Variants in EHBP1L1 observed in about 807,000 individuals in gnomAD.
EHBP1L1 encodes the protein EH domain binding protein 1 like 1.
A neutral mutation model predicts 151.1 loss-of-function variants in EHBP1L1; 122 were observed. The ratio of observed to expected loss-of-function variants is 0.81; its 90% CI spans 0.70 to 0.94. The LOEUF is 0.94. Among genes scored for constraint, EHBP1L1 ranks in the 40% least tolerant of loss-of-function variants. The probability of loss-of-function intolerance (pLI) is 0.00; values close to 1 mark genes in which losing one functional copy is unlikely to be tolerated. For missense variants in EHBP1L1, 1,941 were observed against 1,959.8 expected, an observed-to-expected ratio of 0.99 and a Z score of 0.18; for synonymous variants, 878 against 810.1, an observed-to-expected ratio of 1.08 and a Z score of -1.42.
rs1297442823 is a variant in EHBP1L1, at chr11:65,585,353, C to T, written c.3695C>T (p.Ala1232Val). ...GAGGCCCCCCGAGAGTCGCGACCCG[C>T]GGAGGTCCCGGCCGAGGGGCTGGTG... ...GAEAPRESRPAEVPAEGLVNG... is the reference protein window; with the variant it reads ...GAEAPRESRPVEVPAEGLVNG... The change falls in exon 12 of 19, where the codon GCG becomes GTG. Residue 1232 changes from alanine (A) to valine (V), a missense_variant. Physicochemically the swap from Ala to Val is moderately conservative, Grantham distance 64 (BLOSUM62 0). Transcript: ENST00000309295. The surrounding 1 kb of genome is among the most constrained non-coding windows in gnomAD (Gnocchi z 4.0). The T allele has an allele frequency of 5.0e-5, 58 of 1,149,262 alleles. No individual in the cohort carries two copies. The Admixed American group carries it at 1.8e-3, about 37-fold the overall frequency. 71.2% of individuals were successfully genotyped at this position (1,149,262 alleles called of 1,614,324 possible). A position where few individuals can be genotyped will look rare whatever the true frequency, so the allele number is the denominator to read the frequency against.
Position 65,580,906 on chromosome 11 carries a change from G to A in EHBP1L1, c.635-152G>A, listed in dbSNP as rs1189459251. 9.8e-6 allele frequency: 14 copies of A among 1,432,726 alleles called. No individual in the cohort carries two copies. The East Asian group carries it at 3.6e-4, about 36-fold the overall frequency. The allele number at this position is 1,432,726 out of a possible 1,614,324, so 88.8% of individuals were successfully genotyped here. A position where few individuals can be genotyped will look rare whatever the true frequency, so the allele number is the denominator to read the frequency against. On this transcript the variant is annotated intron_variant, in intron 6 of 18. Transcript: ENST00000309295. ...TCTCTCTCTCTTTCTCTCCACATCTGTGGGCCTGTCTCTTCTCGCAGGCCG... is the reference window on the plus strand; with the variant it reads ...TCTCTCTCTCTTTCTCTCCACATCTATGGGCCTGTCTCTTCTCGCAGGCCG...
chr11:65,582,092 G>T lies in EHBP1L1; in HGVS notation c.1420G>T (p.Ala474Ser), dbSNP rs368726387. 2 of 1,608,784 alleles carry T rather than the reference G, an allele frequency of 1.2e-6. No individual in the cohort carries two copies. Among genetic ancestry groups the T allele is most frequent in the African/African-American group, 1.3e-5 (1 of 74,714 alleles). The change falls in exon 9 of 19, where the codon GCT becomes TCT. Residue 474 changes from alanine (A) to serine (S), a missense_variant. Physicochemically the swap from Ala to Ser is moderately conservative, Grantham distance 99. Coordinates refer to ENST00000309295, the MANE Select transcript of EHBP1L1 (RefSeq NM_001099409.3). ...GCTGGGAGTCAGGACCAGGGATGAGGCTCCCTCAGGCCTGAGCCTGCCCCC... is the reference window on the plus strand; with the variant it reads ...GCTGGGAGTCAGGACCAGGGATGAGTCTCCCTCAGGCCTGAGCCTGCCCCC... ...GRLGVRTRDEAPSGLSLPPAE... is the reference protein window; with the variant it reads ...GRLGVRTRDESPSGLSLPPAE...
chr11:65,577,983 C>T (rs1240179215), intron 1 of EHBP1L1, among the ~76,000 whole-genome samples: 4 of 152,170 alleles, frequency 2.6e-5, no homozygotes, highest in Admixed American at 2.0e-4. Context: ...TGGGCCGGAT[C>T]GTCCCCTCAA....
chr11:65,589,755 G>T lies in EHBP1L1; in HGVS notation c.3938G>T (p.Gly1313Val). The T allele has an allele frequency of 6.5e-7, 1 of 1,544,240 alleles. No individual in the cohort carries two copies. The highest frequency in any genetic ancestry group is 8.7e-7 in the Non-Finnish European group (1 of 1,144,286). Residue 1313 changes from glycine (G) to valine (V), a missense_variant, in exon 13 of 19, where the codon GGC becomes GTC. Physicochemically the swap from Gly to Val is moderately radical, Grantham distance 109. Coordinates refer to ENST00000309295, the MANE Select transcript of EHBP1L1 (RefSeq NM_001099409.3). ...AGAMGAAAAE[G>V]QAPDPSPAPG... Reference sequence around the variant, plus strand: ...CACTGGCCCCTTCTTCCACAGGAAGGCCAGGCCCCTGACCCCAGCCCTGCC... The same window carrying T: ...CACTGGCCCCTTCTTCCACAGGAAGTCCAGGCCCCTGACCCCAGCCCTGCC...
Position 65,585,450 on chromosome 11 carries a change from G to A in EHBP1L1, c.3792G>A (p.Ser1264=). 6.6e-7 allele frequency: 1 copy of A among 1,511,956 alleles called. No homozygotes were observed. Among genetic ancestry groups the A allele is most frequent in the Non-Finnish European group, 8.8e-7 (1 of 1,135,752 alleles). 93.7% of individuals were successfully genotyped at this position (1,511,956 alleles called of 1,614,324 possible). A position where few individuals can be genotyped will look rare whatever the true frequency, so the allele number is the denominator to read the frequency against. Residue 1264 remains serine (S), a synonymous_variant, in exon 12 of 19, where the codon TCG becomes TCA. Coordinates refer to ENST00000309295, the MANE Select transcript of EHBP1L1 (RefSeq NM_001099409.3). The surrounding 1 kb of genome is among the most constrained non-coding windows in gnomAD (Gnocchi z 4.0). Reference sequence around the variant, plus strand: ...CCTCGGTCAACGGGGAGCCCGGGTCGGTGCCCCCGCCCCGCGCGCACGGCT... The same window carrying A: ...CCTCGGTCAACGGGGAGCCCGGGTCAGTGCCCCCGCCCCGCGCGCACGGCT... ...RRPSVNGEPG[S]VPPPRAHGSF...
At chr11:65,583,870 G>A in intron 9 of EHBP1L1, 105 bp downstream of exon 9, 9 of 1,426,040 alleles carry the variant, frequency 6.3e-6, no homozygotes, top group Non-Finnish European at 8.2e-6. Flanking sequence ...GGGATCGGGT[G>A]GGGTGGGGGG....
chr11:65,591,151 C>G (rs1238697350), intron 16 of EHBP1L1: 1 of 159,288 alleles, frequency 6.3e-6, no homozygotes, highest in South Asian at 1.7e-4. Context: ...TTTGGGAGGC[C>G]GAGGCGGGCA....
chr11:65,577,645 G>T (rs1208957521), intron 1 of EHBP1L1, among the ~76,000 whole-genome samples: 3 of 152,068 alleles, frequency 2.0e-5, no homozygotes, highest in Non-Finnish European at 4.4e-5. Flanking sequence ...CCCAGCCTGA[G>T]TCAGGCTGCC....
Position 65,581,829 on chromosome 11 carries a change from G to A in EHBP1L1, c.1157G>A (p.Arg386Lys). Residue 386 changes from arginine to lysine, a missense_variant, in exon 9 of 19, where the codon AGG (arginine) becomes AAG (lysine). Arg to Lys is a conservative substitution (Grantham distance 26). Coordinates refer to ENST00000309295, the MANE Select transcript of EHBP1L1 (RefSeq NM_001099409.3). ...GCTGAAGAGATGGACACTGAGGACAGGCCAGAGGCCAGTGGGGTGGACACT... is the reference window on the plus strand; with the variant it reads ...GCTGAAGAGATGGACACTGAGGACAAGCCAGAGGCCAGTGGGGTGGACACT... ...LKAEEMDTED[R>K]PEASGVDTEP... The A allele has an allele frequency of 6.2e-7, 1 of 1,613,650 alleles. No homozygotes were observed. Among genetic ancestry groups the A allele is most frequent in the East Asian group, 2.2e-5 (1 of 44,878 alleles).
At position 65,585,437 on chromosome 11, in the gene EHBP1L1, GGGAGCCCGGGTC is replaced by G; in HGVS notation, c.3782_3793del (p.Glu1261_Ser1264del). On this transcript the variant is annotated inframe_deletion, in exon 12 of 19. Coordinates refer to ENST00000309295, the MANE Select transcript of EHBP1L1 (RefSeq NM_001099409.3). This position sits in a 1 kb window ranked among gnomAD's most constrained non-coding sequence, Gnocchi z 4.0. ...AGGCTGCGACGGCCCTCGGTCAACG[GGGAGCCCGGGTC>G]GGTGCCCCCGCCCCGCGCGCACGGC... 21 of 1,492,106 alleles carry G rather than the reference GGGAGCCCGGGTC, an allele frequency of 1.4e-5. No individual in the cohort carries two copies. Among genetic ancestry groups the G allele is most frequent in the Non-Finnish European group, 1.9e-5 (21 of 1,126,920 alleles). The allele number at this position is 1,492,106 out of a possible 1,614,324, so 92.4% of individuals were successfully genotyped here.
Position 65,582,944 on chromosome 11 carries a change from CT to C in EHBP1L1, c.2276del (p.Leu759TrpfsTer6). On this transcript the variant is annotated frameshift_variant, in exon 9 of 19. Transcript: ENST00000309295. LOFTEE classifies it high-confidence loss of function. Reference protein sequence around the residue: ...ILVAQEIEVGLLGVLGIETGA... With the variant: ...ILVAQEIEVGXLGVLGIETGA... ...GGTAGCCCAGGAGATAGAGGTGGGA[CT>C]TTTGGGGGTTCTGGGAATAGAGACT... 2.5e-6 allele frequency: 4 copies of C among 1,612,892 alleles called. No individual in the cohort carries two copies. The highest frequency in any genetic ancestry group is 3.4e-6 in the Non-Finnish European group (4 of 1,179,588).
chr11:65,580,868 C>T (rs1349000727), intron 6 of EHBP1L1, 190 bp from the exon 7 acceptor site: 1 of 1,368,438 alleles, frequency 7.3e-7, no homozygotes, highest in Non-Finnish European at 9.5e-7. Context: ...TTTTCTCTGT[C>T]CACTGTTGAG....
At chr11:65,576,453 T>TG in intron 1 of EHBP1L1, 47 bp downstream of exon 1, 1 of 1,515,606 alleles carries the variant, frequency 6.6e-7, no homozygotes, top group Non-Finnish European at 8.9e-7. Flanking sequence ...TGCTGGGACC[T>TG]CATCCGGCCC....
rs1422866132 is a variant in EHBP1L1 at position 65,583,066 on chromosome 11, G to GA, written c.2397dup (p.Glu800ArgfsTer18). On this transcript the variant is annotated frameshift_variant, in exon 9 of 19. Coordinates refer to ENST00000309295, the MANE Select transcript of EHBP1L1 (RefSeq NM_001099409.3). LOFTEE classifies it high-confidence loss of function. ...AAGCTGATACAACAGGGATCCAGGT[G>GA]AAAGAGGTTGGGGGTTCAGAGGTTC... 1 of 1,613,326 alleles carries GA rather than the reference G, an allele frequency of 6.2e-7. No individual in the cohort carries two copies. Among genetic ancestry groups the GA allele is most frequent in the South Asian group, 1.1e-5 (1 of 91,074 alleles).
Position 65,585,463 on chromosome 11 carries a change from C to A in EHBP1L1, c.3805C>A (p.Arg1269Ser), listed in dbSNP as rs1212284516. ...NGEPGSVPPP[R>S]AHGSFSHVRD... ...GGAGCCCGGGTCGGTGCCCCCGCCC[C>A]GCGCGCACGGCTCCTTCTCCCACGT... Residue 1269 changes from arginine (R) to serine (S), a missense_variant, in exon 12 of 19, where the codon CGC (arginine) becomes AGC (serine). Coordinates refer to ENST00000309295, the MANE Select transcript of EHBP1L1 (RefSeq NM_001099409.3). The surrounding 1 kb of genome is among the most constrained non-coding windows in gnomAD (Gnocchi z 4.0). 6.5e-7 allele frequency: 1 copy of A among 1,530,308 alleles called. No homozygotes were observed. The highest frequency in any genetic ancestry group is 2.5e-5 in the East Asian group (1 of 40,448). The allele number at this position is 1,530,308 out of a possible 1,614,324, so 94.8% of individuals were successfully genotyped here.
rs756334176 is a variant in EHBP1L1 at position 65,585,441 on chromosome 11, G to C, written c.3783G>C (p.Glu1261Asp). Residue 1261 changes from glutamate (E) to aspartate (D), a missense_variant, in exon 12 of 19, where the codon GAG becomes GAC. Glu to Asp is a conservative substitution (Grantham distance 45, BLOSUM62 2). Coordinates refer to ENST00000309295, the MANE Select transcript of EHBP1L1 (RefSeq NM_001099409.3). This position sits in a 1 kb window ranked among gnomAD's most constrained non-coding sequence, Gnocchi z 4.0. ...TGCGACGGCCCTCGGTCAACGGGGA[G>C]CCCGGGTCGGTGCCCCCGCCCCGCG... ...VRLRRPSVNGEPGSVPPPRAH... is the reference protein window; with the variant it reads ...VRLRRPSVNGDPGSVPPPRAH... 2.7e-6 allele frequency: 4 copies of C among 1,504,960 alleles called. No individual in the cohort carries two copies. The highest frequency in any genetic ancestry group is 3.5e-6 in the Non-Finnish European group (4 of 1,132,158). The allele number at this position is 1,504,960 out of a possible 1,614,324, so 93.2% of individuals were successfully genotyped here.
intron 16 of EHBP1L1, 119 bp from the exon 17 acceptor site, chr11:65,591,681 G>A (rs1476596181): frequency 5.0e-6 from 4 of 804,616 alleles, no homozygotes; most frequent in South Asian, 4.3e-5. Context: ...CCCTGCCCTC[G>A]GGAACTGCTG....
chr11:65,587,393 A>AT (rs1479313841), intron 12 of EHBP1L1, among the ~76,000 whole-genome samples: 2 of 151,508 alleles, frequency 1.3e-5, no homozygotes, highest in Non-Finnish European at 1.5e-5. Flanking sequence ...AAAAAGAGGA[A>AT]TTTGAGTTAG....
At position 65,583,372 on chromosome 11, in the gene EHBP1L1, G is replaced by A. The variant is rs373958977; in HGVS notation, c.2700G>A (p.Glu900=). ...GAGTTGGGAGTGCTCTCAAATATGA[G>A]GCTTTAAGGGCCCCAGTCACTCAGC... ...ETRVGSALKY[E]ALRAPVTQPR... Residue 900 remains glutamate (E), a synonymous_variant, in exon 9 of 19, where the codon GAG becomes GAA. Coordinates refer to ENST00000309295, the MANE Select transcript of EHBP1L1 (RefSeq NM_001099409.3). 15 of 1,613,340 alleles carry A rather than the reference G, an allele frequency of 9.3e-6. No homozygotes were observed. Among genetic ancestry groups the A allele is most frequent in the African/African-American group, 1.3e-5 (1 of 74,814 alleles).
Sources: allele counts gnomAD v4.1 joint callset (sites outside exome capture counted in the v4.1 genomes callset), GRCh38; gene constraint gnomAD v4.1.1; non-coding constraint Gnocchi (gnomAD v3.1); transcripts MANE v1.5; gene names NCBI Gene and HGNC (gene_info 2026-07-23, HGNC 2026-07-21).